The following DYTN variants were observed in gnomAD, a reference collection of about 807,000 sequenced individuals.
DYTN encodes dystrotelin.
DYTN carries 75 observed loss-of-function variants against 69.6 expected under a neutral mutation model. The observed-to-expected ratio is 1.08, with a 90% confidence interval of 0.89 to 1.31. The LOEUF (loss-of-function observed/expected upper bound fraction) is 1.31. DYTN is among the 50% of genes most tolerant of loss of function. DYTN has a pLI of 0.00. For missense variants in DYTN, 726 were observed against 688.4 expected, an observed-to-expected ratio of 1.05 and a Z score of -0.61; for synonymous variants, 252 against 249.1, an observed-to-expected ratio of 1.01 and a Z score of -0.11.
intron 11 of DYTN, among the ~76,000 whole-genome samples, chr2:206,655,855 C>G (rs1699441956): frequency 6.6e-6 from 1 of 152,108 alleles, no homozygotes; most frequent in Non-Finnish European, 1.5e-5. Context: ...AGATATTTGG[C>G]ATGATTTCAA....
chr2:206,687,704 A>G (rs984823851), intron 9 of DYTN, among the ~76,000 whole-genome samples: 1 of 152,096 alleles, frequency 6.6e-6, no homozygotes, highest in Non-Finnish European at 1.5e-5. Flanking sequence ...ATAAGGGCCA[A>G]TTTTCCTTTC....
chr2:206,713,932 G>A (rs528900942), intron 1 of DYTN, among the ~76,000 whole-genome samples: 2 of 152,340 alleles, frequency 1.3e-5, no homozygotes, highest in African/African-American at 4.8e-5. Flanking sequence ...GTGTGCTGGG[G>A]AGTTTTGTGA....
At chr2:206,654,700 G>A (rs1196812999) in intron 11 of DYTN, among the ~76,000 whole-genome samples, 3 of 152,090 alleles carry the variant, frequency 2.0e-5, no homozygotes. Context: ...GGACTCCCAG[G>A]CAACATTTGA....
Position 206,673,201 on chromosome 2 carries a change from C to T in DYTN, c.981-7172G>A, listed in dbSNP as rs539675078. On this transcript the variant is annotated intron_variant, in intron 9 of 11. Coordinates refer to ENST00000452335, the MANE Select transcript of DYTN (RefSeq NM_001093730.1). ...TGAGAATATTTCTTTCTTATCTCTTCCCTTTTTAAAATTTCTGAACATTTT... is the reference window on the plus strand; with the variant it reads ...TGAGAATATTTCTTTCTTATCTCTTTCCTTTTTAAAATTTCTGAACATTTT... Among the ~76,000 whole-genome samples the T allele has an allele frequency of 2.4e-3, 277 of 115,048 alleles. No homozygotes were observed. In the Middle Eastern group the frequency reaches 0.04, roughly 17 times the overall value. 75.5% of individuals were successfully genotyped at this position (115,048 alleles called of 152,430 possible).
At chr2:206,664,774 G>C (rs1699551822) in intron 10 of DYTN, among the ~76,000 whole-genome samples, 1 of 152,206 alleles carries the variant, frequency 6.6e-6, no homozygotes, top group Non-Finnish European at 1.5e-5. Flanking sequence ...AGGCAATTTT[G>C]TAATTACATT....
At chr2:206,685,459 G>T (rs1441824186) in intron 9 of DYTN, among the ~76,000 whole-genome samples, 1 of 152,022 alleles carries the variant, frequency 6.6e-6, no homozygotes, top group Non-Finnish European at 1.5e-5. Flanking sequence ...CACTTTACCT[G>T]GTCACATAGC....
intron 9 of DYTN, among the ~76,000 whole-genome samples, chr2:206,676,469 G>C (rs1210079594): frequency 6.6e-6 from 1 of 152,110 alleles, no homozygotes; most frequent in Non-Finnish European, 1.5e-5. Flanking sequence ...AGGACAAATA[G>C]TTAACGCATG....
intron 9 of DYTN, among the ~76,000 whole-genome samples, chr2:206,683,945 T>C (rs949935477): frequency 6.6e-6 from 1 of 152,176 alleles, no homozygotes; most frequent in Non-Finnish European, 1.5e-5. Context: ...TTTATTTTTC[T>C]TACCTGCCTC....
intron 2 of DYTN, among the ~76,000 whole-genome samples, chr2:206,709,663 T>C (rs1700061537): frequency 6.6e-6 from 1 of 152,108 alleles, no homozygotes. Context: ...CCTATATAAC[T>C]TTTTAGGCAG....
At chr2:206,700,379 G>T (rs928587376) in intron 5 of DYTN, among the ~76,000 whole-genome samples, 163 bp from the exon 6 acceptor site, 2 of 152,196 alleles carry the variant, frequency 1.3e-5, no homozygotes, top group African/African-American at 4.8e-5. Flanking sequence ...AAATGCGTGG[G>T]TTTTGTGCAA....
At chr2:206,693,436 G>C in intron 8 of DYTN, 113 bp from the exon 9 acceptor site, 1 of 1,344,668 alleles carries the variant, frequency 7.4e-7, no homozygotes, top group Non-Finnish European at 1.0e-6. Flanking sequence ...TTTCTCTTAA[G>C]TCCTCAGAAA....
At chr2:206,694,451 T>C (rs532913339) in intron 8 of DYTN, among the ~76,000 whole-genome samples, 2 of 152,344 alleles carry the variant, frequency 1.3e-5, no homozygotes, top group South Asian at 4.1e-4. Flanking sequence ...CTCTTTTCCA[T>C]CTGTACCCAT....
In DYTN at chr2:206,651,730, A is replaced by G; in HGVS notation, c.*88T>C. 1 of 1,244,484 alleles carries G rather than the reference A, an allele frequency of 8.0e-7. No homozygotes were observed. Among genetic ancestry groups the G allele is most frequent in the Non-Finnish European group, 1.1e-6 (1 of 871,880 alleles). The allele number at this position is 1,244,484 out of a possible 1,614,324, so 77.1% of individuals were successfully genotyped here. ...TCATAGTTCACACTAAACTATTAAAAGAAAGGTAGAAGTCTTAATTCTTTT... is the reference window on the plus strand; with the variant it reads ...TCATAGTTCACACTAAACTATTAAAGGAAAGGTAGAAGTCTTAATTCTTTT... On this transcript the variant is annotated 3_prime_UTR_variant, in exon 12 of 12. Coordinates refer to ENST00000452335, the MANE Select transcript of DYTN (RefSeq NM_001093730.1).
At chr2:206,708,830 T>A (rs1241013400) in intron 2 of DYTN, among the ~76,000 whole-genome samples, 3 of 152,234 alleles carry the variant, frequency 2.0e-5, no homozygotes, top group Non-Finnish European at 4.4e-5. Flanking sequence ...TTTTGTGTAT[T>A]GTTAATATTT....
rs754576074 is a variant in DYTN, at chr2:206,700,174, C to G, written c.526G>C (p.Glu176Gln). The change falls in exon 6 of 12, where the codon GAA becomes CAA. Residue 176 changes from glutamate (E) to glutamine (Q), a missense_variant. Glu to Gln is a conservative substitution (Grantham distance 29, BLOSUM62 2). Transcript: ENST00000452335. ...TGGAAACAGCTGCGGGTGGCACTTT[C>G]CACAGGGCACAGAGCACGACTCTCT... ...VGESRALCPV[E>Q]SATRSCFQGV... The G allele has an allele frequency of 6.8e-5, 109 of 1,613,828 alleles. No homozygotes were observed. The highest frequency in any genetic ancestry group is 8.6e-5 in the Non-Finnish European group (102 of 1,179,830).
At chr2:206,686,593 T>A (rs1699811522) in intron 9 of DYTN, 1 of 152,142 alleles carries the variant, frequency 6.6e-6, no homozygotes, top group South Asian at 2.1e-4. Flanking sequence ...GGCCTCAAAT[T>A]CCACTTTGAA....
rs1452329039 is a variant in DYTN at position 206,693,221 on chromosome 2, G to A, written c.934C>T (p.Leu312=). The A allele has an allele frequency of 6.2e-7, 1 of 1,613,248 alleles. No individual in the cohort carries two copies. The highest frequency in any genetic ancestry group is 8.5e-7 in the Non-Finnish European group (1 of 1,179,852). The change falls in exon 9 of 12, where the codon CTG becomes TTG. Residue 312 remains leucine (L), a synonymous_variant. Coordinates refer to ENST00000452335, the MANE Select transcript of DYTN (RefSeq NM_001093730.1). The part of the protein sequence containing the change: ...KKEAARRQQL[L]DQVNPKGVPH... ...ACACCCTTTGGATTCACCTGGTCCA[G>A]CAGCTGCTGCCTTCTCGCTGCTTCT...
chr2:206,699,908 T>G lies in DYTN; in HGVS notation c.556-18A>C, dbSNP rs1276437583. ...CTCAACACCTGAAAAACAATGGCAC[T>G]CTAAGATGTGTTTTTAGGCACGACT... On this transcript the variant is annotated intron_variant, in intron 6 of 11. Transcript: ENST00000452335. The G allele has an allele frequency of 6.2e-7, 1 of 1,606,460 alleles. No individual in the cohort carries two copies. Among genetic ancestry groups the G allele is most frequent in the Non-Finnish European group, 8.5e-7 (1 of 1,176,432 alleles).
At chr2:206,690,128 T>C (rs917098898) in intron 9 of DYTN, among the ~76,000 whole-genome samples, 2 of 152,114 alleles carry the variant, frequency 1.3e-5, no homozygotes, top group Non-Finnish European at 2.9e-5. Flanking sequence ...AGTGGTTGAA[T>C]GGTAAATGGT....
Sources: gnomAD v4.1 joint callset for allele counts (sites outside exome capture counted in the v4.1 genomes callset) on GRCh38, gnomAD v4.1.1 for gene constraint, MANE v1.5 for transcripts, NCBI Gene and HGNC (gene_info 2026-07-23, HGNC 2026-07-21) for gene names.